Variants in SSU72L6 observed in about 807,000 individuals in gnomAD.
SSU72L6 encodes the protein RNA polymerase II subunit A C-terminal domain phosphatase SSU72 like protein 6.
the SSU72L6 span, among the ~76,000 whole-genome samples, chr7:124,477,519 C>A: frequency 6.6e-6 from 1 of 151,308 alleles, no homozygotes; most frequent in South Asian, 2.1e-4. Context: ...TAGATTATAT[C>A]TTTTTTACTA....
chr7:124,476,379 C>T, the SSU72L6 span: 2 of 776,348 alleles, frequency 2.6e-6, no homozygotes, highest in Non-Finnish European at 4.8e-6. Flanking sequence ...TCATGCTCTC[C>T]TCCCCACTCA....
the SSU72L6 span, chr7:124,476,400 G>A: frequency 5.1e-6 from 4 of 778,800 alleles, no homozygotes; most frequent in Non-Finnish European, 9.6e-6. Context: ...GGGTGGCTGT[G>A]GTGTGTGTGA....
At chr7:124,476,940 C>T in the SSU72L6 span, 97 of 756,114 alleles carry the variant, frequency 1.3e-4, no homozygotes, top group African/African-American at 1.4e-3. Flanking sequence ...TTCTTCACAC[C>T]GTCTGCTTCT....
At chr7:124,476,471 G>A in the SSU72L6 span, 6 of 780,424 alleles carry the variant, frequency 7.7e-6, no homozygotes, top group East Asian at 2.4e-5. Context: ...CTAAGTGTCC[G>A]GTCTTTCGGA....
the SSU72L6 span, among the ~76,000 whole-genome samples, chr7:124,477,393 T>G: frequency 2.6e-5 from 4 of 151,960 alleles, no homozygotes; most frequent in Admixed American, 2.6e-4. Flanking sequence ...TTTTTTTAAT[T>G]TTTAAATTTT....
At chr7:124,476,653 C>T in the SSU72L6 span, 1 of 780,616 alleles carries the variant, frequency 1.3e-6, no homozygotes, top group Admixed American at 1.7e-5. Flanking sequence ...CAAGCCTGGC[C>T]CAGAAAGATT....
chr7:124,476,519 A>G, the SSU72L6 span: 1 of 780,706 alleles, frequency 1.3e-6, no homozygotes, highest in Non-Finnish European at 2.4e-6. Context: ...CGAAGACCCA[A>G]TCATCCTGTA....
At chr7:124,477,019 T>G in the SSU72L6 span, 1 of 640,064 alleles carries the variant, frequency 1.6e-6, no homozygotes, top group Non-Finnish European at 2.8e-6. Context: ...TAGTCCAGAT[T>G]GATTGTGAGA....
At chr7:124,476,727 G>C in the SSU72L6 span, 1 of 780,654 alleles carries the variant, frequency 1.3e-6, no homozygotes, top group East Asian at 2.4e-5. Context: ...ATGACACAGT[G>C]GTGGAAGATC....
the SSU72L6 span, chr7:124,476,607 T>C: frequency 1.3e-6 from 1 of 780,554 alleles, no homozygotes; most frequent in African/African-American, 1.7e-5. Context: ...ACACCCACAA[T>C]GGAATCTTAC....
chr7:124,476,728 G>C, the SSU72L6 span: 1 of 780,548 alleles, frequency 1.3e-6, no homozygotes, highest in Non-Finnish European at 2.4e-6. Context: ...TGACACAGTG[G>C]TGGAAGATCT....
chr7:124,477,474 T>C, the SSU72L6 span, among the ~76,000 whole-genome samples: 1 of 151,968 alleles, frequency 6.6e-6, no homozygotes, highest in Non-Finnish European at 1.5e-5. Context: ...AAGAGTATAA[T>C]ATTACATGTT....
chr7:124,476,558 A>T, the SSU72L6 span: 1 of 780,708 alleles, frequency 1.3e-6, no homozygotes, highest in South Asian at 1.3e-5. Flanking sequence ...ACATATAAGG[A>T]GATGTACAAT....
chr7:124,477,221 A>G, the SSU72L6 span, among the ~76,000 whole-genome samples: 1 of 152,232 alleles, frequency 6.6e-6, no homozygotes, highest in East Asian at 1.9e-4. Flanking sequence ...ATATTATTCT[A>G]CAAGGAAGCT....
At chr7:124,476,643 C>G in the SSU72L6 span, 1 of 780,710 alleles carries the variant, frequency 1.3e-6, no homozygotes, top group South Asian at 1.3e-5. Context: ...ATGAGAGAAT[C>G]AAGCCTGGCC....
chr7:124,476,521 C>T, the SSU72L6 span: 2 of 780,572 alleles, frequency 2.6e-6, no homozygotes, highest in Middle Eastern at 2.2e-4. Flanking sequence ...AAGACCCAAT[C>T]ATCCTGTAGT....
the SSU72L6 span, chr7:124,476,776 G>A: frequency 4.9e-5 from 38 of 779,934 alleles, no homozygotes; most frequent in Middle Eastern, 2.3e-4. Context: ...GCCTGTGCAC[G>A]TGATCAACAT....
At chr7:124,476,536 G>C in the SSU72L6 span, 4 of 780,550 alleles carry the variant, frequency 5.1e-6, no homozygotes, top group African/African-American at 6.8e-5. Flanking sequence ...TGTAGTTTAC[G>C]ATTTTGCAAC....
chr7:124,476,743 T>C, the SSU72L6 span: 1 of 780,520 alleles, frequency 1.3e-6, no homozygotes, highest in African/African-American at 1.7e-5. Flanking sequence ...AGATCTGTGT[T>C]CCAGAGAACA....
Sources: allele counts gnomAD v4.1 joint callset (sites outside exome capture counted in the v4.1 genomes callset), GRCh38; gene constraint gnomAD v4.1.1; transcripts MANE v1.5; gene names NCBI Gene and HGNC (gene_info 2026-07-23, HGNC 2026-07-21).